The following ADAM22 variants were observed in gnomAD, a reference collection of about 807,000 sequenced individuals.
The protein encoded by ADAM22 is ADAM metallopeptidase domain 22, also known as disintegrin and metalloproteinase domain-containing protein 22.
ADAM22 carries 65 observed loss-of-function variants against 144.6 expected under a neutral mutation model. The ratio of observed to expected loss-of-function variants is 0.45; its 90% CI spans 0.37 to 0.55. ADAM22 has a LOEUF of 0.55. Among genes scored for constraint, ADAM22 ranks in the 20% least tolerant of loss-of-function variants. The pLI is 0.00. For missense variants in ADAM22, 974 were observed against 1,184.9 expected (o/e 0.82, Z 2.61); for synonymous variants, 391 against 412.6 (o/e 0.95, Z 0.63).
At chr7:88,170,952 A>G (rs1447079929) in intron 25 of ADAM22, among the ~76,000 whole-genome samples, 1 of 151,926 alleles carries the variant, frequency 6.6e-6, no homozygotes, top group Non-Finnish European at 1.5e-5. Context: ...TAAACATTGA[A>G]CAAGTATTTC....
At chr7:88,007,596 A>T (rs889399451) in intron 3 of ADAM22, among the ~76,000 whole-genome samples, 1 of 152,192 alleles carries the variant, frequency 6.6e-6, no homozygotes, top group Non-Finnish European at 1.5e-5. Flanking sequence ...ATAACGCCGC[A>T]TATCTACAAC....
chr7:88,192,856 ACATTTT>A (rs1243612025), intron 30 of ADAM22, among the ~76,000 whole-genome samples: 1 of 152,252 alleles, frequency 6.6e-6, no homozygotes, highest in African/African-American at 2.4e-5. Flanking sequence ...TCTATAGGAT[ACATTTT>A]TAGTGGCTTG....
intron 3 of ADAM22, among the ~76,000 whole-genome samples, chr7:88,038,627 G>A (rs898474687): frequency 2.0e-5 from 3 of 151,262 alleles, no homozygotes; most frequent in Non-Finnish European, 4.4e-5. Flanking sequence ...GCTAATTTTT[G>A]TATTTTTAGT....
Position 88,118,749 on chromosome 7 carries a change from T to C in ADAM22, c.607+1935T>C, listed in dbSNP as rs555609530. Among the ~76,000 whole-genome samples, 398 of 151,980 alleles carry C rather than the reference T, an allele frequency of 2.6e-3. 1 individual carries two copies. Among genetic ancestry groups the C allele is most frequent in the African/African-American group, 9.0e-3 (373 of 41,490 alleles). Reference sequence around the variant, plus strand: ...TGGTGACTTGGCAGTTTTGCTGTTATTAAAATGATTTTTAGACACATTCTT... The same window carrying C: ...TGGTGACTTGGCAGTTTTGCTGTTACTAAAATGATTTTTAGACACATTCTT... On this transcript the variant is annotated intron_variant, in intron 7 of 31. Transcript: ENST00000413139.
At chr7:88,059,094 T>C (rs141640200) in intron 3 of ADAM22, among the ~76,000 whole-genome samples, 87 of 152,308 alleles carry the variant, frequency 5.7e-4, no homozygotes, top group African/African-American at 2.1e-3. Context: ...TCTCTGAACA[T>C]TGACACCAAG....
intron 16 of ADAM22, 90 bp downstream of exon 16, chr7:88,145,286 C>A: frequency 6.6e-7 from 1 of 1,504,226 alleles, no homozygotes; most frequent in South Asian, 1.2e-5. Flanking sequence ...AAATGTCATG[C>A]CTGGAATTTT....
intron 20 of ADAM22, among the ~76,000 whole-genome samples, chr7:88,152,047 A>T (rs1838543304): frequency 6.6e-6 from 1 of 152,228 alleles, no homozygotes; most frequent in African/African-American, 2.4e-5. Context: ...AAAAATAATG[A>T]TAATTCTTAA....
rs370515574 is a variant in ADAM22 at position 88,108,210 on chromosome 7, G to A, written c.425G>A (p.Arg142Gln). 20 of 1,613,702 alleles carry A rather than the reference G, an allele frequency of 1.2e-5. No individual in the cohort carries two copies. Among genetic ancestry groups the A allele is most frequent in the South Asian group, 4.4e-5 (4 of 91,064 alleles). ...CACTGTTACTACCAGGGCCATATCCGAGGAAACCCTGACTCATTTGTTGCA... is the reference window on the plus strand; with the variant it reads ...CACTGTTACTACCAGGGCCATATCCAAGGAAACCCTGACTCATTTGTTGCA... The part of the protein sequence containing the change: ...GEHCYYQGHI[R>Q]GNPDSFVALS... Residue 142 changes from arginine to glutamine, a missense_variant, in exon 5 of 32, where the codon CGA becomes CAA. By Grantham distance (43) the Arg-to-Gln change is conservative (BLOSUM62 1). Transcript: ENST00000413139.
chr7:87,949,544 A>C (rs1298513261), intron 2 of ADAM22, among the ~76,000 whole-genome samples: 2 of 152,162 alleles, frequency 1.3e-5, no homozygotes, highest in African/African-American at 4.8e-5. Context: ...CATTTTCTTT[A>C]AGACAATGAT....
At chr7:88,122,393 A>G (rs539928653) in intron 7 of ADAM22, among the ~76,000 whole-genome samples, 6 of 152,242 alleles carry the variant, frequency 3.9e-5, no homozygotes, top group African/African-American at 1.4e-4. Context: ...TTTTACTCAC[A>G]CTCAGAGAGA....
chr7:88,118,274 A>G (rs1194324135), intron 7 of ADAM22, among the ~76,000 whole-genome samples: 1 of 152,212 alleles, frequency 6.6e-6, no homozygotes, highest in Non-Finnish European at 1.5e-5. Context: ...TTCTCTCTAA[A>G]TGAAGTTTGT....
Position 88,197,703 on chromosome 7 carries a change from G to A in ADAM22, c.*1212G>A, listed in dbSNP as rs1850827652. 1 of 152,174 alleles carries A rather than the reference G, an allele frequency of 6.6e-6. No individual in the cohort carries two copies. The highest frequency in any genetic ancestry group is 6.5e-5 in the Admixed American group (1 of 15,274). The allele number at this position is 152,174 out of a possible 1,614,324, so 9.4% of individuals were successfully genotyped here. On this transcript the variant is annotated 3_prime_UTR_variant, in exon 32 of 32. Transcript: ENST00000413139. ...TAACAAAAACAACTTTGACACTGTT[G>A]ATTAAGAATATTTGTCATCACTGGG... is the stretch of plus-strand genomic sequence containing the variant.
chr7:88,112,971 C>A (rs1441354462), intron 5 of ADAM22, among the ~76,000 whole-genome samples: 1 of 152,176 alleles, frequency 6.6e-6, no homozygotes, highest in African/African-American at 2.4e-5. Flanking sequence ...TTCCCCCCGC[C>A]TTGGCCTTCC....
chr7:88,132,972 A>G (rs1563289332), intron 12 of ADAM22, 21 bp downstream of exon 12: 2 of 1,605,824 alleles, frequency 1.2e-6, no homozygotes, highest in South Asian at 1.1e-5. Context: ...ACATCTGTAC[A>G]ATACAAAGTG....
At chr7:88,110,192 C>G (rs1825633257) in intron 5 of ADAM22, among the ~76,000 whole-genome samples, 1 of 152,074 alleles carries the variant, frequency 6.6e-6, no homozygotes, top group South Asian at 2.1e-4. Context: ...TCTCTGTTTT[C>G]TTATTAGGAA....
chr7:88,181,746 A>G (rs550780379), intron 28 of ADAM22, 141 bp downstream of exon 28: 2 of 825,224 alleles, frequency 2.4e-6, no homozygotes, highest in East Asian at 5.3e-5. Flanking sequence ...ATGAGAGCCT[A>G]GTTTTTATCT....
intron 18 of ADAM22, among the ~76,000 whole-genome samples, chr7:88,149,259 C>T (rs1837608636): frequency 6.6e-6 from 1 of 152,176 alleles, no homozygotes; most frequent in Non-Finnish European, 1.5e-5. Flanking sequence ...GTTGAACTAA[C>T]CTCAGACTGC....
intron 2 of ADAM22, among the ~76,000 whole-genome samples, chr7:87,969,930 C>T (rs1253613122): frequency 6.6e-6 from 1 of 152,122 alleles, no homozygotes; most frequent in African/African-American, 2.4e-5. Flanking sequence ...GGGAGAGTAA[C>T]ATGGAGTCAT....
chr7:88,025,560 G>C (rs1409800535), intron 3 of ADAM22, among the ~76,000 whole-genome samples: 2 of 152,168 alleles, frequency 1.3e-5, no homozygotes. Context: ...GCAAGAGATA[G>C]GGGTCTCGTT....
Sources: allele counts gnomAD v4.1 joint callset (sites outside exome capture counted in the v4.1 genomes callset), GRCh38; gene constraint gnomAD v4.1.1; transcripts MANE v1.5; gene names NCBI Gene and HGNC (gene_info 2026-07-23, HGNC 2026-07-21).